The following SCN9A variants were observed in gnomAD, a reference collection of about 807,000 sequenced individuals.
The protein encoded by SCN9A is sodium voltage-gated channel alpha subunit 9.
Under a neutral mutation model 187.0 loss-of-function variants are expected in SCN9A, and 131 were observed. The observed-to-expected ratio is 0.70, with a 90% CI of 0.61 to 0.81. SCN9A has a LOEUF of 0.81. Ranked by LOEUF, SCN9A falls within the 30% of genes least tolerant of loss-of-function variation. The probability of loss-of-function intolerance (pLI) is 0.00; values close to 1 mark genes in which losing one functional copy is unlikely to be tolerated. For synonymous variants in SCN9A, 809 were observed against 808.6 expected (o/e 1.00, Z -0.01); for missense variants, 2,252 against 2,396.6 (o/e 0.94, Z 1.26).
At chr2:166,200,440 A>T (rs894852364) in intron 26 of SCN9A, among the ~76,000 whole-genome samples, 23 of 152,214 alleles carry the variant, frequency 1.5e-4, no homozygotes, top group African/African-American at 5.5e-4. Flanking sequence ...AGTGTTTTAC[A>T]TTTTAAGAAT....
At chr2:166,207,770 C>T (rs1574713791) in intron 24 of SCN9A, among the ~76,000 whole-genome samples, 1 of 152,130 alleles carries the variant, frequency 6.6e-6, no homozygotes, top group Admixed American at 6.6e-5. Flanking sequence ...CAGCTTTCCT[C>T]TATTTAATAT....
Position 166,204,453 on chromosome 2 carries a change from T to C in SCN9A, c.4410A>G (p.Gln1470=). 6.4e-7 allele frequency: 1 copy of C among 1,560,594 alleles called. No individual in the cohort carries two copies. Among genetic ancestry groups the C allele is most frequent in the African/African-American group, 1.6e-5 (1 of 63,812 alleles). ...FNQQKKKLGG[Q]DIFMTEEQKK... ...TCTGTTCTTCTGTCATAAAGATGTC[T>C]TGACCTCCAAGGTAAAGAAACAAAC... is the stretch of plus-strand genomic sequence containing the variant. Residue 1470 remains glutamine (Q), a synonymous_variant, in exon 25 of 27, where the codon CAA becomes CAG. Transcript: ENST00000642356.
chr2:166,355,208 G>A (rs898442152), intron 1 of SCN9A, among the ~76,000 whole-genome samples: 1 of 151,806 alleles, frequency 6.6e-6, no homozygotes, highest in Non-Finnish European at 1.5e-5. Flanking sequence ...GCAGCACTGG[G>A]ATAACAGGCA....
At position 166,292,538 on chromosome 2, in the gene SCN9A, A is replaced by G. The variant is rs138449162; in HGVS notation, c.1107+693T>C. On this transcript the variant is annotated intron_variant, in intron 9 of 26. Transcript: ENST00000642356. ...TAGGCCAAAAAAGAAAAAAAAACAG[A>G]TCTGCAGCTATTCTGAGAAAAGTGA... Among the ~76,000 whole-genome samples, 219 of 152,162 alleles carry G rather than the reference A, an allele frequency of 1.4e-3. 1 individual carries two copies. The highest frequency in any genetic ancestry group is 5.0e-3 in the African/African-American group (208 of 41,526).
At chr2:166,290,171 G>A (rs113019963) in intron 9 of SCN9A, among the ~76,000 whole-genome samples, 4,539 of 152,034 alleles carry the variant, frequency 0.03, 225 homozygotes, top group African/African-American at 0.1. Context: ...GCAGTGTTTG[G>A]TTTTCTCTTC....
chr2:166,337,350 G>A (rs1184261815), intron 1 of SCN9A, among the ~76,000 whole-genome samples: 1 of 152,072 alleles, frequency 6.6e-6, no homozygotes, highest in Admixed American at 6.6e-5. Flanking sequence ...CTGTGTTTGA[G>A]ATGCCTGGGA....
chr2:166,254,639 C>A (rs1161210125), intron 17 of SCN9A, among the ~76,000 whole-genome samples: 2 of 151,310 alleles, frequency 1.3e-5, no homozygotes, highest in African/African-American at 4.8e-5. Flanking sequence ...ATCTTCATTT[C>A]TTTAAACTCA....
At chr2:166,276,263 G>C (rs373697716) in intron 16 of SCN9A, among the ~76,000 whole-genome samples, 1 of 152,136 alleles carries the variant, frequency 6.6e-6, no homozygotes, top group South Asian at 2.1e-4. Flanking sequence ...AAACTTTTTC[G>C]TAAAGGGCCA....
chr2:166,352,718 A>C (rs1428967039), intron 1 of SCN9A, among the ~76,000 whole-genome samples: 3 of 152,214 alleles, frequency 2.0e-5, no homozygotes, highest in African/African-American at 7.2e-5. Context: ...TACACACAGC[A>C]TAAGAAGATA....
chr2:166,270,494 A>C (rs979104300), intron 17 of SCN9A, among the ~76,000 whole-genome samples: 2 of 152,018 alleles, frequency 1.3e-5, no homozygotes, highest in Non-Finnish European at 2.9e-5. Context: ...GTCTTGGAAA[A>C]AATGTCCTTG....
intron 2 of SCN9A, among the ~76,000 whole-genome samples, chr2:166,307,864 A>T (rs1559031781): frequency 6.6e-6 from 1 of 152,244 alleles, no homozygotes; most frequent in South Asian, 2.1e-4. Context: ...TCAGAAAGAC[A>T]AAGTTCAAAT....
intron 7 of SCN9A, chr2:166,298,825 G>A (rs1698430555): frequency 6.6e-6 from 1 of 152,128 alleles, no homozygotes; most frequent in Admixed American, 6.6e-5. Context: ...ACAACCAAGT[G>A]AATGGTTATA....
intron 10 of SCN9A, among the ~76,000 whole-genome samples, chr2:166,287,936 G>T (rs113471067): frequency 6.8e-6 from 1 of 147,350 alleles, no homozygotes; most frequent in Non-Finnish European, 1.5e-5. Context: ...GAAATCCATT[G>T]TGTGTATGTG....
chr2:166,304,009 T>C (rs778010014), intron 6 of SCN9A: 8 of 1,603,982 alleles, frequency 5.0e-6, no homozygotes, highest in Non-Finnish European at 6.8e-6. Flanking sequence ...AAGTCAGCCC[T>C]GGTGTTTAAC....
intron 17 of SCN9A, among the ~76,000 whole-genome samples, chr2:166,267,231 A>G (rs1696780424): frequency 6.6e-6 from 1 of 151,968 alleles, no homozygotes; most frequent in Non-Finnish European, 1.5e-5. Context: ...TGTTTCTTCT[A>G]TACTTAATTT....
At chr2:166,302,000 A>G (rs1371683599) in intron 7 of SCN9A, 1 of 150,788 alleles carries the variant, frequency 6.6e-6, no homozygotes, top group Non-Finnish European at 1.5e-5. Flanking sequence ...GTGTTATTTG[A>G]TTTTATTTAT....
At chr2:166,305,427 G>A (rs1000117119) in intron 5 of SCN9A, among the ~76,000 whole-genome samples, 2 of 151,852 alleles carry the variant, frequency 1.3e-5, no homozygotes, top group South Asian at 4.2e-4. Flanking sequence ...AATATAAAGA[G>A]CACTGTACTT....
intron 1 of SCN9A, among the ~76,000 whole-genome samples, chr2:166,360,347 T>G (rs1211111290): frequency 6.6e-6 from 1 of 151,712 alleles, no homozygotes; most frequent in South Asian, 2.1e-4. Context: ...TAATAAAAAA[T>G]TCATAAAGTC....
At chr2:166,276,936 A>G in intron 16 of SCN9A, 47 bp downstream of exon 16, 2 of 1,494,686 alleles carry the variant, frequency 1.3e-6, no homozygotes, top group Non-Finnish European at 1.8e-6. Flanking sequence ...TCATCACAAA[A>G]TAATTTCCAC....
Sources: gnomAD v4.1 joint callset for allele counts (sites outside exome capture counted in the v4.1 genomes callset) on GRCh38, gnomAD v4.1.1 for gene constraint, MANE v1.5 for transcripts, NCBI Gene and HGNC (gene_info 2026-07-23, HGNC 2026-07-21) for gene names.